Variants in DNAH8 observed in about 807,000 individuals in gnomAD.
DNAH8 encodes axonemal beta dynein heavy chain 8.
A neutral mutation model predicts 562.1 loss-of-function variants in DNAH8; 382 were observed. The ratio of observed to expected loss-of-function variants is 0.68; its 90% confidence interval spans 0.63 to 0.74. The LOEUF is 0.74. Ranked by LOEUF, DNAH8 falls within the 30% of genes least tolerant of loss-of-function variation. DNAH8 has a pLI of 0.00. For missense variants in DNAH8, 5,203 were observed against 5,620.4 expected, an observed-to-expected ratio of 0.93 and a Z score of 2.37; for synonymous variants, 1,881 against 1,919.4, an observed-to-expected ratio of 0.98 and a Z score of 0.52.
intron 53 of DNAH8, among the ~76,000 whole-genome samples, chr6:38,876,368 C>G (rs928868679): frequency 6.6e-6 from 1 of 152,132 alleles, no homozygotes; most frequent in African/African-American, 2.4e-5. Context: ...GGCCCTGATT[C>G]TTCAAAGTTC....
intron 48 of DNAH8, among the ~76,000 whole-genome samples, chr6:38,868,735 A>G (rs1287195600): frequency 1.3e-5 from 2 of 151,082 alleles, no homozygotes; most frequent in Admixed American, 6.6e-5. Context: ...CAGTGGTGCA[A>G]TCTTGGCTCA....
intron 53 of DNAH8, among the ~76,000 whole-genome samples, chr6:38,882,095 T>C (rs1007372375): frequency 4.6e-5 from 7 of 152,168 alleles, no homozygotes; most frequent in African/African-American, 1.7e-4. Context: ...AAGGAAATGC[T>C]TCTACACTGC....
At position 38,857,473 on chromosome 6, in the gene DNAH8, T is replaced by G. The variant is rs371037502; in HGVS notation, c.5734-45T>G. 2.9e-6 allele frequency: 4 copies of G among 1,373,560 alleles called. No homozygotes were observed. In the African/African-American group the frequency reaches 5.8e-5, roughly 20 times the overall value. The allele number at this position is 1,373,560 out of a possible 1,614,324, so 85.1% of individuals were successfully genotyped here. A position where few individuals can be genotyped will look rare whatever the true frequency, so the allele number is the denominator to read the frequency against. On this transcript the variant is annotated intron_variant, in intron 41 of 92. Coordinates refer to ENST00000327475, the MANE Select transcript of DNAH8 (RefSeq NM_001206927.2). ...CCACCAAATTTTATTGCAGATGTGC[T>G]TTAAATATTTGGCAAATTTTAATAT...
At chr6:39,010,189 AAGAGTTTGTACTAAGAGAC>A (rs1320634439) in intron 89 of DNAH8, among the ~76,000 whole-genome samples, 1 of 152,192 alleles carries the variant, frequency 6.6e-6, no homozygotes, top group African/African-American at 2.4e-5. Flanking sequence ...CTATATGGGA[AAGAGTTTGTACTAAGAGAC>A]ATCTAAAACT....
chr6:38,853,219 G>A lies in DNAH8; in HGVS notation c.5605G>A (p.Glu1869Lys). The change falls in exon 41 of 93, where the codon GAG becomes AAG. Residue 1869 changes from glutamate to lysine, a missense_variant. Around this residue, in one of 6 missense-constraint regions of DNAH8, gnomAD observed 2,176 missense variants for 2,365.1 expected, o/e 0.92. Coordinates refer to ENST00000327475, the MANE Select transcript of DNAH8 (RefSeq NM_001206927.2). ...TTCTGTTATGGCCAAAGGTCCTGTG[G>A]AGATTTGGCTACTGGATTTGTTAAA... The part of the protein sequence containing the change: ...DNSVMAKGPV[E>K]IWLLDLLKMQ... The A allele has an allele frequency of 6.2e-7, 1 of 1,612,818 alleles. No individual in the cohort carries two copies.
chr6:38,783,200 T>C lies in DNAH8; in HGVS notation c.2395+61T>C, dbSNP rs2127642965. 3 of 1,538,016 alleles carry C rather than the reference T, an allele frequency of 2.0e-6. No homozygotes were observed. In the South Asian group the frequency reaches 3.5e-5, roughly 18 times the overall value. ...GATTAGGTGATTTTGAATGAGTTCA[T>C]AGTTCTGGAGAACTTTTTCCATCCC... On this transcript the variant is annotated intron_variant, in intron 17 of 92. Transcript: ENST00000327475.
rs572425652 is a variant in DNAH8 at position 39,020,367 on chromosome 6, C to A, written c.13715-6179C>A. Among the ~76,000 whole-genome samples, 16 of 152,232 alleles carry A rather than the reference C, an allele frequency of 1.1e-4. 1 individual carries two copies. In the East Asian group the frequency reaches 3.1e-3, roughly 29 times the overall value. On this transcript the variant is annotated intron_variant, in intron 91 of 92. Coordinates refer to ENST00000327475, the MANE Select transcript of DNAH8 (RefSeq NM_001206927.2). ...GACTGTCAATGACTTGTCTGCAGAG[C>A]TTTTTACGGGGCAGTGGTTCTCACA...
chr6:38,937,177 G>A (rs1486275014), intron 77 of DNAH8, among the ~76,000 whole-genome samples: 4 of 151,546 alleles, frequency 2.6e-5, no homozygotes, highest in Non-Finnish European at 4.4e-5. Context: ...ACACAGGGAG[G>A]GGAACATCAC....
chr6:38,715,955 TA>T (rs1244027443), intron 1 of DNAH8, among the ~76,000 whole-genome samples: 43 of 41,794 alleles, frequency 1.0e-3, no homozygotes, highest in South Asian at 3.0e-3. Flanking sequence ...TATATATATA[TA>T]TATATTTTTT....
chr6:38,919,839 A>G (rs555354079), intron 70 of DNAH8, among the ~76,000 whole-genome samples: 1 of 152,332 alleles, frequency 6.6e-6, no homozygotes, highest in East Asian at 1.9e-4. Flanking sequence ...CATACATCAA[A>G]GAAACTAAAC....
rs1562520584 is a variant in DNAH8 at position 38,715,941 on chromosome 6, TATATA to T, written c.-35+527_-35+531del. The stretch of plus-strand genomic sequence containing the variant: ...AAATAAATAAATATATATATATATA[TATATA>T]TATATATATATATATTTTTTTTTTT... On this transcript the variant is annotated intron_variant, in intron 1 of 92. Transcript: ENST00000327475. Among the ~76,000 whole-genome samples the T allele has an allele frequency of 1.8e-3, 30 of 16,992 alleles. 4 individuals carry two copies. Among genetic ancestry groups the T allele is most frequent in the East Asian group, 0.014 (14 of 1,002 alleles). The allele number at this position is 16,992 out of a possible 152,430, so 11.1% of individuals were successfully genotyped here. A position where few individuals can be genotyped will look rare whatever the true frequency, so the allele number is the denominator to read the frequency against.
At chr6:38,871,494 T>G (rs1777461672) in intron 49 of DNAH8, among the ~76,000 whole-genome samples, 2 of 152,240 alleles carry the variant, frequency 1.3e-5, no homozygotes, top group South Asian at 4.1e-4. Context: ...TCAATAACAT[T>G]GCTCTTGAAC....
chr6:38,912,561 T>G (rs1412133813), intron 66 of DNAH8, among the ~76,000 whole-genome samples: 1 of 152,166 alleles, frequency 6.6e-6, no homozygotes, highest in Non-Finnish European at 1.5e-5. Flanking sequence ...AAAGAAGGCT[T>G]CTTCTGCGGT....
chr6:38,766,845 C>G (rs1767055715), intron 11 of DNAH8, among the ~76,000 whole-genome samples: 1 of 151,790 alleles, frequency 6.6e-6, no homozygotes, highest in South Asian at 2.1e-4. Context: ...TCAATTATAC[C>G]TCAATAAAAC....
intron 3 of DNAH8, among the ~76,000 whole-genome samples, chr6:38,726,384 T>G (rs1028214168): frequency 2.0e-5 from 3 of 152,196 alleles, no homozygotes; most frequent in Non-Finnish European, 4.4e-5. Context: ...ATTCTCTGTT[T>G]GGAGGAATTC....
chr6:38,991,269 G>A (rs1340110251), intron 88 of DNAH8, among the ~76,000 whole-genome samples: 1 of 152,080 alleles, frequency 6.6e-6, no homozygotes, highest in Non-Finnish European at 1.5e-5. Context: ...TCAAAGATGC[G>A]GACATGATTG....
At chr6:38,925,699 C>G (rs1782065088) in intron 73 of DNAH8, among the ~76,000 whole-genome samples, 2 of 152,138 alleles carry the variant, frequency 1.3e-5, no homozygotes, top group Non-Finnish European at 2.9e-5. Flanking sequence ...TTGCCTGGGA[C>G]TTACCTTGTT....
chr6:38,811,509 A>G (rs1771790104), intron 24 of DNAH8, among the ~76,000 whole-genome samples: 1 of 152,204 alleles, frequency 6.6e-6, no homozygotes, highest in Admixed American at 6.5e-5. Flanking sequence ...GGCATCTTAA[A>G]TATTTCAAGA....
intron 10 of DNAH8, 77 bp from the exon 11 acceptor site, chr6:38,761,625 G>A: frequency 3.6e-6 from 3 of 843,174 alleles, no homozygotes; most frequent in Non-Finnish European, 5.2e-6. Context: ...ATATTTTTAT[G>A]CTTGTGGTTT....
Sources: gnomAD v4.1 joint callset for allele counts (sites outside exome capture counted in the v4.1 genomes callset) on GRCh38, gnomAD v4.1.1 for gene constraint, gnomAD v4.1.1 regional missense constraint, MANE v1.5 for transcripts, NCBI Gene and HGNC (gene_info 2026-07-23, HGNC 2026-07-21) for gene names.